CDKAL1: variants seen among roughly 807,000 people sequenced by gnomAD.
CDKAL1 encodes threonylcarbamoyladenosine tRNA methylthiotransferase.
A neutral mutation model predicts 68.2 loss-of-function variants in CDKAL1; 32 were observed. That is an observed-to-expected ratio of 0.47 (90% CI 0.35 to 0.63). The LOEUF (loss-of-function observed/expected upper bound fraction) is 0.63, where lower values mean the gene tolerates loss of function less well. CDKAL1 is among the 30% of genes least tolerant of loss of function. CDKAL1 has a pLI of 0.00. For missense variants in CDKAL1, 606 were observed against 696.7 expected (o/e 0.87, Z 1.47); for synonymous variants, 234 against 244.3 (o/e 0.96, Z 0.39).
intron 8 of CDKAL1, among the ~76,000 whole-genome samples, chr6:20,804,917 C>T (rs961836496): frequency 1.3e-5 from 2 of 152,130 alleles, no homozygotes; most frequent in African/African-American, 4.8e-5. Context: ...ACTCTGTGAC[C>T]AGCCCAGAAT....
At chr6:20,882,606 T>C (rs1253109929) in intron 9 of CDKAL1, among the ~76,000 whole-genome samples, 2 of 152,338 alleles carry the variant, frequency 1.3e-5, no homozygotes, top group South Asian at 2.1e-4. Flanking sequence ...GTTTCATCCA[T>C]ATTGTTTCAT....
intron 9 of CDKAL1, among the ~76,000 whole-genome samples, chr6:20,865,552 T>A (rs979940544): frequency 2.6e-5 from 4 of 152,180 alleles, no homozygotes; most frequent in Admixed American, 2.6e-4. Flanking sequence ...AATATTTGTA[T>A]TAGTAAACAA....
At chr6:20,954,617 G>T (rs1764689477) in intron 9 of CDKAL1, among the ~76,000 whole-genome samples, 1 of 152,154 alleles carries the variant, frequency 6.6e-6, no homozygotes, top group South Asian at 2.1e-4. Context: ...AGGCCTGAAT[G>T]GCTCTTGCTG....
At chr6:20,580,194 T>C (rs6907897) in intron 4 of CDKAL1, among the ~76,000 whole-genome samples, 121,039 of 152,182 alleles carry the variant, frequency 0.8, 48,394 homozygotes, top group Middle Eastern at 0.9. Context: ...TGCAGTAGGT[T>C]GTTGACATTT....
At chr6:20,570,838 A>G (rs920846644) in intron 4 of CDKAL1, among the ~76,000 whole-genome samples, 1 of 152,230 alleles carries the variant, frequency 6.6e-6, no homozygotes, top group Non-Finnish European at 1.5e-5. Flanking sequence ...CATTACAAAA[A>G]AAAGGGTAAA....
chr6:21,185,891 T>C (rs1777990356), intron 13 of CDKAL1, among the ~76,000 whole-genome samples: 1 of 152,206 alleles, frequency 6.6e-6, no homozygotes, highest in Admixed American at 6.5e-5. Context: ...TCAGGACTTG[T>C]ATGTGCTTGA....
At chr6:20,937,599 T>A (rs2150688983) in intron 9 of CDKAL1, among the ~76,000 whole-genome samples, 1 of 152,334 alleles carries the variant, frequency 6.6e-6, no homozygotes, top group Non-Finnish European at 1.5e-5. Context: ...CTGGGCCAGG[T>A]CTCCTGTCTT....
chr6:21,019,493 A>G (rs1159558604), intron 11 of CDKAL1, among the ~76,000 whole-genome samples: 1 of 152,172 alleles, frequency 6.6e-6, no homozygotes, highest in African/African-American at 2.4e-5. Context: ...TAGACTTCCT[A>G]GAGGAATTTT....
chr6:20,598,844 C>A (rs1480033316), intron 4 of CDKAL1, among the ~76,000 whole-genome samples: 1 of 151,872 alleles, frequency 6.6e-6, no homozygotes, highest in Non-Finnish European at 1.5e-5. Context: ...AACAAAAAAA[C>A]TTACTGAGTT....
At chr6:20,712,147 T>C (rs1016466420) in intron 5 of CDKAL1, among the ~76,000 whole-genome samples, 3 of 152,120 alleles carry the variant, frequency 2.0e-5, no homozygotes, top group Non-Finnish European at 4.4e-5. Context: ...ACAAAAGTGA[T>C]GAGCTAATCA....
intron 4 of CDKAL1, among the ~76,000 whole-genome samples, chr6:20,595,995 C>A (rs1003068882): frequency 5.9e-5 from 9 of 152,176 alleles, no homozygotes; most frequent in Non-Finnish European, 1.3e-4. Flanking sequence ...TGGGTATGAC[C>A]AGCAGAGGCT....
intron 10 of CDKAL1, among the ~76,000 whole-genome samples, chr6:20,989,585 A>T (rs887147581): frequency 6.6e-6 from 1 of 152,218 alleles, no homozygotes; most frequent in Non-Finnish European, 1.5e-5. Flanking sequence ...CTCTGAGCTG[A>T]CGGTACAGCC....
At chr6:21,001,774 T>C (rs1260474742) in intron 11 of CDKAL1, among the ~76,000 whole-genome samples, 1 of 152,250 alleles carries the variant, frequency 6.6e-6, no homozygotes, top group Non-Finnish European at 1.5e-5. Flanking sequence ...TTTTGGGCAC[T>C]CTGGCACTGG....
intron 4 of CDKAL1, among the ~76,000 whole-genome samples, chr6:20,600,755 G>C (rs1253159902): frequency 1.2e-5 from 1 of 81,402 alleles, no homozygotes; most frequent in Non-Finnish European, 2.6e-5. Flanking sequence ...GATGGAGAGA[G>C]AGATATATAT....
At chr6:21,140,813 C>A (rs1236198180) in intron 13 of CDKAL1, among the ~76,000 whole-genome samples, 2 of 152,144 alleles carry the variant, frequency 1.3e-5, no homozygotes, top group Non-Finnish European at 2.9e-5. Context: ...TAAAGACATA[C>A]CCGAGACTGG....
intron 10 of CDKAL1, among the ~76,000 whole-genome samples, chr6:20,969,691 T>C (rs1042955185): frequency 3.9e-5 from 6 of 152,162 alleles, no homozygotes; most frequent in African/African-American, 1.4e-4. Flanking sequence ...GGCCTGATTG[T>C]ATATGTTGGA....
chr6:20,910,780 T>G (rs917820983), intron 9 of CDKAL1, among the ~76,000 whole-genome samples: 1 of 152,258 alleles, frequency 6.6e-6, no homozygotes, highest in African/African-American at 2.4e-5. Context: ...GGGTAGGCTC[T>G]AATACAATCT....
At chr6:21,002,439 A>G (rs553902447) in intron 11 of CDKAL1, among the ~76,000 whole-genome samples, 95 of 152,248 alleles carry the variant, frequency 6.2e-4, no homozygotes, top group South Asian at 3.3e-3. Flanking sequence ...CCATGCGTCA[A>G]TTAGATTGTA....
chr6:20,639,679 T>C (rs1236206982), intron 4 of CDKAL1, among the ~76,000 whole-genome samples: 2 of 152,378 alleles, frequency 1.3e-5, no homozygotes, highest in East Asian at 3.9e-4. Context: ...TTGTTTTCTT[T>C]TTGTTTTTTG....
Sources: allele counts gnomAD v4.1 joint callset (sites outside exome capture counted in the v4.1 genomes callset), GRCh38; gene constraint gnomAD v4.1.1; transcripts MANE v1.5; gene names NCBI Gene and HGNC (gene_info 2026-07-23, HGNC 2026-07-21).